Variants in PSMG2 observed in about 807,000 individuals in gnomAD.
PSMG2 encodes CD40 ligand-activated specific transcript 3.
PSMG2 carries 21 observed loss-of-function variants against 31.5 expected under a neutral mutation model. That is an observed-to-expected ratio of 0.67 (90% CI 0.47 to 0.96). The LOEUF is 0.96. Ranked by LOEUF, PSMG2 falls within the 40% of genes least tolerant of loss-of-function variation. The pLI is 0.00. For missense variants in PSMG2, 318 were observed against 321.2 expected, an observed-to-expected ratio of 0.99 and a Z score of 0.08; for synonymous variants, 120 against 110.4, an observed-to-expected ratio of 1.09 and a Z score of -0.54.
upstream of PSMG2, chr18:12,702,559 G>GGCGTCTCCCCGCC: frequency 6.4e-7 from 1 of 1,569,396 alleles, no homozygotes. Context: ...GCTGGCAGCC[G>GGCGTCTCCCCGCC]GCGTCTCCCC....
chr18:12,723,050 G>C (rs1054484598), intron 5 of PSMG2, among the ~76,000 whole-genome samples: 2 of 152,212 alleles, frequency 1.3e-5, no homozygotes, highest in Non-Finnish European at 2.9e-5. Context: ...GGGTGAGTGA[G>C]GCTAACAGTT....
chr18:12,694,312 A>G (rs955296912), intron 1 of PSMG2, among the ~76,000 whole-genome samples: 6 of 152,224 alleles, frequency 3.9e-5, no homozygotes, highest in Non-Finnish European at 1.5e-5. Flanking sequence ...AAGGAACAAT[A>G]TGACAGGCAG....
chr18:12,678,765 G>A (rs2039236842), intron 1 of PSMG2, among the ~76,000 whole-genome samples: 1 of 151,982 alleles, frequency 6.6e-6, no homozygotes, highest in Non-Finnish European at 1.5e-5. Context: ...AGACTAACCT[G>A]ACCAACATGG....
intron 1 of PSMG2, among the ~76,000 whole-genome samples, chr18:12,666,933 TGAG>T (rs1289523165): frequency 6.6e-6 from 1 of 151,792 alleles, no homozygotes; most frequent in Non-Finnish European, 1.5e-5. Flanking sequence ...TTATTCATAA[TGAG>T]TTTAAAATTA....
chr18:12,724,732 A>G, intron 6 of PSMG2, 113 bp downstream of exon 6: 1 of 1,094,208 alleles, frequency 9.1e-7, no homozygotes, highest in Non-Finnish European at 1.2e-6. Context: ...AAATATAGAC[A>G]TATCTTTACA....
upstream of PSMG2, chr18:12,699,705 C>T (rs1185163037): frequency 1.2e-5 from 7 of 586,846 alleles, no homozygotes; most frequent in African/African-American, 9.6e-5. Flanking sequence ...TTTAGCCAAC[C>T]ATAAAATTTT....
chr18:12,707,098 G>A (rs2040276552), intron 2 of PSMG2, among the ~76,000 whole-genome samples: 1 of 152,144 alleles, frequency 6.6e-6, no homozygotes, highest in East Asian at 1.9e-4. Flanking sequence ...TGGGACTACA[G>A]GTGCCTGCCA....
At chr18:12,674,352 G>C (rs928663573) in intron 1 of PSMG2, among the ~76,000 whole-genome samples, 7 of 151,560 alleles carry the variant, frequency 4.6e-5, no homozygotes, top group Admixed American at 3.3e-4. Flanking sequence ...TGAGGTGGAA[G>C]GGTCACTTGG....
At chr18:12,720,429 A>G (rs2040420098) in intron 4 of PSMG2, 81 bp from the exon 5 acceptor site, 1 of 1,200,262 alleles carries the variant, frequency 8.3e-7, no homozygotes, top group Non-Finnish European at 1.1e-6. Context: ...AGCAGAATAT[A>G]TGGAGACCAA....
intron 1 of PSMG2, among the ~76,000 whole-genome samples, chr18:12,690,946 C>CCG (rs1555646025): frequency 2.0e-5 from 3 of 151,434 alleles, no homozygotes; most frequent in African/African-American, 7.3e-5. Context: ...AGAGCCCCCC[C>CCG]CCGTTCTGCA....
At chr18:12,667,290 AC>A (rs1231490595) in intron 1 of PSMG2, among the ~76,000 whole-genome samples, 2 of 152,084 alleles carry the variant, frequency 1.3e-5, no homozygotes, top group Non-Finnish European at 2.9e-5. Flanking sequence ...CCTTGTCTCT[AC>A]AAAAAAATTT....
At chr18:12,700,829 A>G (rs545159048), upstream of PSMG2, 2 of 623,346 alleles carry the variant, frequency 3.2e-6, no homozygotes, top group African/African-American at 3.7e-5. Context: ...AAACAAGGAC[A>G]CTAGTAAACA....
intron 1 of PSMG2, among the ~76,000 whole-genome samples, chr18:12,666,908 CAAAA>C (rs1252466632): frequency 1.3e-5 from 2 of 151,594 alleles, no homozygotes; most frequent in Non-Finnish European, 2.9e-5. Context: ...AATATATTGA[CAAAA>C]AAAGTAAATC....
At chr18:12,718,304 T>C (rs928171246) in intron 3 of PSMG2, among the ~76,000 whole-genome samples, 4 of 152,194 alleles carry the variant, frequency 2.6e-5, no homozygotes, top group African/African-American at 9.6e-5. Context: ...TGCATGGCCA[T>C]TGATTTCTTA....
intron 1 of PSMG2, among the ~76,000 whole-genome samples, chr18:12,661,095 G>A (rs952619779): frequency 6.6e-6 from 1 of 152,090 alleles, no homozygotes; most frequent in African/African-American, 2.4e-5. Flanking sequence ...ATCACCTGAG[G>A]TCAGGAGTTC....
intron 1 of PSMG2, chr18:12,670,650 GTTTTT>G (rs1344894992): frequency 6.9e-6 from 1 of 144,104 alleles, no homozygotes; most frequent in Admixed American, 7.2e-5. Context: ...CAAAAGAGTG[GTTTTT>G]TTTAACTTTT....
Position 12,665,695 on chromosome 18 carries a change from A to T in PSMG2, c.-37+6922A>T, listed in dbSNP as rs9962655. Among the ~76,000 whole-genome samples the T allele has an allele frequency of 3.4e-3, 511 of 152,050 alleles. 4 individuals are homozygous for T. Among genetic ancestry groups the T allele is most frequent in the African/African-American group, 0.011 (476 of 41,476 alleles). On this transcript the variant is annotated intron_variant, in intron 1 of 6. Coordinates refer to the PSMG2 transcript ENST00000585331. ...AATGTTTTAAACAAACTTCTTAAAA[A>T]TTTTTTTTTAATTTTTTTTGAGACA...
chr18:12,715,382 C>G (rs947853368), intron 3 of PSMG2, among the ~76,000 whole-genome samples: 2 of 152,168 alleles, frequency 1.3e-5, no homozygotes, highest in African/African-American at 2.4e-5. Context: ...TAGTGTCATG[C>G]ACATAGAGAA....
rs2040218391 is a variant in PSMG2, at chr18:12,703,266, C to T, written c.57+102C>T. ...GCGGTGCCTTGGGAGAAATAGGGCA[C>T]TAGTTTCTATTTCATGTTTTCGGCC... On this transcript the variant is annotated intron_variant, in intron 1 of 6. Coordinates refer to ENST00000317615, the MANE Select transcript of PSMG2 (RefSeq NM_020232.5). 2.4e-6 allele frequency: 3 copies of T among 1,256,132 alleles called. No individual in the cohort carries two copies. The South Asian group carries it at 4.4e-5, about 18-fold the overall frequency. 77.8% of individuals were successfully genotyped at this position (1,256,132 alleles called of 1,614,324 possible).
Sources: allele counts gnomAD v4.1 joint callset (sites outside exome capture counted in the v4.1 genomes callset), GRCh38; gene constraint gnomAD v4.1.1; transcripts MANE v1.5; gene names NCBI Gene and HGNC (gene_info 2026-07-23, HGNC 2026-07-21).